The following ATP2C2 variants were observed in gnomAD, a reference collection of about 807,000 sequenced individuals.
ATP2C2 encodes ATPase secretory pathway Ca2+ transporting 2.
Under a neutral mutation model 110.8 loss-of-function variants are expected in ATP2C2, and 171 were observed. The ratio of observed to expected loss-of-function variants is 1.54; its 90% confidence interval spans 1.36 to 1.75. ATP2C2 has a LOEUF of 1.75. ATP2C2 is among the 40% of genes most tolerant of loss of function. ATP2C2 has a pLI of 0.00. For synonymous variants in ATP2C2, 804 were observed against 508.4 expected, an observed-to-expected ratio of 1.58 and a Z score of -7.82; for missense variants, 1,963 against 1,235.0, an observed-to-expected ratio of 1.59 and a Z score of -8.84.
chr16:84,415,537 T>C lies in ATP2C2; in HGVS notation c.570T>C (p.Asp190=). Residue 190 remains aspartate, a synonymous_variant, in exon 7 of 27, where the codon GAT becomes GAC. Coordinates refer to ENST00000262429, the MANE Select transcript of ATP2C2 (RefSeq NM_014861.4). ...TTGCTCGAGAACTGGTTCCTGGTGATGTCGTATCTCTCTCGATCGGAGACC... is the reference window on the plus strand; with the variant it reads ...TTGCTCGAGAACTGGTTCCTGGTGACGTCGTATCTCTCTCGATCGGAGACC... The part of the protein sequence containing the change: ...HLLARELVPG[D]VVSLSIGDRI... 1 of 1,614,198 alleles carries C rather than the reference T, an allele frequency of 6.2e-7. No individual in the cohort carries two copies. Among genetic ancestry groups the C allele is most frequent in the Non-Finnish European group, 8.5e-7 (1 of 1,180,018 alleles).
chr16:84,368,667 G>T lies in ATP2C2; in HGVS notation c.52G>T (p.Gly18Trp). 5.7e-6 allele frequency: 9 copies of T among 1,565,434 alleles called. No individual in the cohort carries two copies. Among genetic ancestry groups the T allele is most frequent in the Non-Finnish European group, 7.8e-6 (9 of 1,157,240 alleles). Residue 18 changes from glycine to tryptophan, a missense_variant, in exon 1 of 27, where the codon GGG becomes TGG. Transcript: ENST00000262429. ...CCTGAAGAAACTCGGCTTCTCGGGCGGGGGCCGCCAGTACCAGGCGCTGGA... is the reference window on the plus strand; with the variant it reads ...CCTGAAGAAACTCGGCTTCTCGGGCTGGGGCCGCCAGTACCAGGCGCTGGA... The part of the protein sequence containing the change: ...EFLKKLGFSG[G>W]GRQYQALEKD...
In ATP2C2 at chr16:84,408,442, C is replaced by T. The variant is rs1202833877; in HGVS notation, c.365C>T (p.Ala122Val). 6.2e-7 allele frequency: 1 copy of T among 1,613,842 alleles called. No individual in the cohort carries two copies. Among genetic ancestry groups the T allele is most frequent in the Admixed American group, 1.7e-5 (1 of 60,000 alleles). The change falls in exon 4 of 27, where the codon GCC becomes GTC. Residue 122 changes from alanine to valine, a missense_variant. Coordinates refer to ENST00000262429, the MANE Select transcript of ATP2C2 (RefSeq NM_014861.4). ...NPLILLLLGS[A>V]LVSVLTKEYE... ...CTGATCCTGCTGCTGCTGGGCTCTG[C>T]CCTGGTGAGTGTCCTCACCAAGGAG...
rs192061991 is a variant in ATP2C2, at chr16:84,389,267, C to T, written c.100-9232C>T. Among the ~76,000 whole-genome samples the T allele has an allele frequency of 1.1e-4, 17 of 152,282 alleles. No homozygotes were observed. The East Asian group carries it at 2.3e-3, about 21-fold the overall frequency. On this transcript the variant is annotated intron_variant, in intron 1 of 26. Coordinates refer to ENST00000262429, the MANE Select transcript of ATP2C2 (RefSeq NM_014861.4). ...GCCCAGAAGGCCCCTCATTCCAGTA[C>T]CTCTCTCAACTGCTTTCTCACAATT...
intron 20 of ATP2C2, among the ~76,000 whole-genome samples, chr16:84,453,731 T>C (rs1468140781): frequency 1.3e-5 from 2 of 152,142 alleles, no homozygotes; most frequent in Non-Finnish European, 2.9e-5. Flanking sequence ...TGGGGATAAT[T>C]TTAAAGAAGA....
chr16:84,373,741 A>G (rs1395940103), intron 1 of ATP2C2, among the ~76,000 whole-genome samples: 2 of 152,166 alleles, frequency 1.3e-5, no homozygotes, highest in African/African-American at 2.4e-5. Context: ...GACGTCATTC[A>G]CGTTAAAAAA....
At chr16:84,395,012 C>T (rs909419877) in intron 1 of ATP2C2, among the ~76,000 whole-genome samples, 1 of 152,086 alleles carries the variant, frequency 6.6e-6, no homozygotes, top group Non-Finnish European at 1.5e-5. Context: ...AGTTGATGCT[C>T]CACTGTCTGG....
chr16:84,422,645 C>T lies in ATP2C2; in HGVS notation c.791C>T (p.Thr264Ile), dbSNP rs778288044. 9 of 1,613,424 alleles carry T rather than the reference C, an allele frequency of 5.6e-6. No homozygotes were observed. The highest frequency in any genetic ancestry group is 1.1e-5 in the South Asian group (1 of 90,978). ...TGGACACAGGGGGTCGTGATTGGAA[C>T]AGGGGAAAGCTCTCAGTTCGGAGAA... ...YGRGQGVVIG[T>I]GESSQFGEVF... The change falls in exon 9 of 27, where the codon ACA becomes ATA. Residue 264 changes from threonine to isoleucine, a missense_variant. Thr to Ile is a moderately conservative substitution (Grantham distance 89). Transcript: ENST00000262429.
intron 14 of ATP2C2, among the ~76,000 whole-genome samples, chr16:84,442,219 G>A (rs1388282671): frequency 6.6e-6 from 1 of 152,102 alleles, no homozygotes. Flanking sequence ...GTCACCCCAA[G>A]TGGAAATGCC....
At chr16:84,395,136 G>T (rs1904892625) in intron 1 of ATP2C2, among the ~76,000 whole-genome samples, 3 of 152,084 alleles carry the variant, frequency 2.0e-5, no homozygotes, top group Admixed American at 2.0e-4. Context: ...AGTACCCTTG[G>T]TTACAGAGCT....
intron 15 of ATP2C2, among the ~76,000 whole-genome samples, chr16:84,445,502 C>G (rs975470132): frequency 6.6e-6 from 1 of 152,168 alleles, no homozygotes; most frequent in African/African-American, 2.4e-5. Context: ...GCCACCATGC[C>G]CGGCCTTCCT....
Position 84,377,726 on chromosome 16 carries a change from G to A in ATP2C2, c.99+9012G>A, listed in dbSNP as rs1289314368. The stretch of plus-strand genomic sequence containing the variant: ...GTGTGGGGTTTAGGGCTTTAGCCTG[G>A]GAATGGTGGGGGGGTTGGACAACTC... On this transcript the variant is annotated intron_variant, in intron 1 of 26. Coordinates refer to ENST00000262429, the MANE Select transcript of ATP2C2 (RefSeq NM_014861.4). Among the ~76,000 whole-genome samples, 5 of 152,168 alleles carry A rather than the reference G, an allele frequency of 3.3e-5. No homozygotes were observed. In the South Asian group the frequency reaches 6.2e-4, roughly 19 times the overall value.
chr16:84,401,759 A>G (rs1386617629), intron 2 of ATP2C2, among the ~76,000 whole-genome samples: 1 of 152,148 alleles, frequency 6.6e-6, no homozygotes, highest in Non-Finnish European at 1.5e-5. Context: ...AAAGTCAGGT[A>G]ATATGATTCC....
At chr16:84,451,609 G>A (rs545493813) in intron 17 of ATP2C2, among the ~76,000 whole-genome samples, 1 of 152,148 alleles carries the variant, frequency 6.6e-6, no homozygotes, top group Admixed American at 6.5e-5. Flanking sequence ...AGGCTGAGGT[G>A]GGCAGATCAC....
At chr16:84,370,004 A>C (rs909281758) in intron 1 of ATP2C2, among the ~76,000 whole-genome samples, 4 of 152,212 alleles carry the variant, frequency 2.6e-5, no homozygotes, top group African/African-American at 9.7e-5. Context: ...TTGCCATCAC[A>C]GGTTGCCTTT....
chr16:84,409,160 G>A (rs934169303), intron 4 of ATP2C2, among the ~76,000 whole-genome samples: 5 of 152,288 alleles, frequency 3.3e-5, no homozygotes, highest in South Asian at 4.1e-4. Flanking sequence ...GGACATGGAT[G>A]AAGCTGGAAA....
At chr16:84,428,768 T>C (rs1245776666) in intron 11 of ATP2C2, among the ~76,000 whole-genome samples, 1 of 152,166 alleles carries the variant, frequency 6.6e-6, no homozygotes, top group Non-Finnish European at 1.5e-5. Flanking sequence ...CCTTAAATGA[T>C]AGTTTTCAAT....
chr16:84,379,713 C>T (rs1012428921), intron 1 of ATP2C2, among the ~76,000 whole-genome samples: 1 of 152,204 alleles, frequency 6.6e-6, no homozygotes, highest in Non-Finnish European at 1.5e-5. Context: ...ATCCATCCTC[C>T]TGTTTGCCAG....
intron 1 of ATP2C2, among the ~76,000 whole-genome samples, chr16:84,375,526 G>A (rs1461720522): frequency 7.3e-6 from 1 of 137,690 alleles, no homozygotes; most frequent in East Asian, 2.1e-4. Flanking sequence ...GGGTGACAGA[G>A]CAAGACTCTG....
At chr16:84,374,039 C>T (rs1377866561) in intron 1 of ATP2C2, among the ~76,000 whole-genome samples, 2 of 152,140 alleles carry the variant, frequency 1.3e-5, no homozygotes, top group African/African-American at 4.8e-5. Context: ...AGAACTGGCT[C>T]GTTCACTTGA....
Sources: gnomAD v4.1 joint callset for allele counts (sites outside exome capture counted in the v4.1 genomes callset) on GRCh38, gnomAD v4.1.1 for gene constraint, MANE v1.5 for transcripts, NCBI Gene and HGNC (gene_info 2026-07-23, HGNC 2026-07-21) for gene names.